Variants in DPP6 observed in about 807,000 individuals in gnomAD.
The protein encoded by DPP6 is A-type potassium channel modulatory protein DPP6.
A neutral mutation model predicts 122.6 loss-of-function variants in DPP6; 69 were observed. The observed-to-expected ratio is 0.56, with a 90% CI of 0.46 to 0.69. The LOEUF (loss-of-function observed/expected upper bound fraction) is 0.69, where lower values mean the gene tolerates loss of function less well. Among genes scored for constraint, DPP6 ranks in the 30% least tolerant of loss-of-function variants. The probability of loss-of-function intolerance (pLI) is 0.00; values close to 1 mark genes in which losing one functional copy is unlikely to be tolerated. For synonymous variants in DPP6, 418 were observed against 433.1 expected (o/e 0.97, Z 0.43); for missense variants, 928 against 1,116.9 (o/e 0.83, Z 2.41).
chr7:153,832,979 C>T, the DPP6 span, among the ~76,000 whole-genome samples: 1,426 of 152,258 alleles, frequency 9.4e-3, 15 homozygotes, highest in African/African-American at 0.03. Flanking sequence ...GAAGGATATA[C>T]TTGCTTATTT....
At chr7:153,894,078 T>C (rs1420768491) in intron 1 of DPP6, among the ~76,000 whole-genome samples, 1 of 152,172 alleles carries the variant, frequency 6.6e-6, no homozygotes, top group Non-Finnish European at 1.5e-5. Context: ...GCCCCGCAAC[T>C]CACACATTGA....
At chr7:153,847,790 G>A in the DPP6 span, among the ~76,000 whole-genome samples, 1 of 152,154 alleles carries the variant, frequency 6.6e-6, no homozygotes, top group Non-Finnish European at 1.5e-5. Flanking sequence ...CTATAGGGCT[G>A]TTTGGTGTTT....
intron 1 of DPP6, among the ~76,000 whole-genome samples, chr7:154,162,474 C>T (rs993935761): frequency 2.6e-4 from 39 of 152,234 alleles, no homozygotes; most frequent in African/African-American, 8.9e-4. Flanking sequence ...TAGACTGCAG[C>T]TACAGATTTC....
intron 1 of DPP6, among the ~76,000 whole-genome samples, chr7:154,286,427 T>C (rs781007190): frequency 6.6e-5 from 10 of 152,200 alleles, no homozygotes; most frequent in Non-Finnish European, 1.5e-4. Context: ...GACCAGAGAA[T>C]GCAGCAACCA....
chr7:154,023,318 G>GCACGCGCGCACACACACACACA (rs373378162), intron 1 of DPP6, among the ~76,000 whole-genome samples: 2 of 129,618 alleles, frequency 1.5e-5, no homozygotes, highest in Admixed American at 7.7e-5. Flanking sequence ...TTTCTTGTCT[G>GCACGCGCGCACACACACACACA]CACACACACA....
chr7:153,941,291 C>T (rs185723694), intron 1 of DPP6, among the ~76,000 whole-genome samples: 71 of 152,298 alleles, frequency 4.7e-4, no homozygotes, highest in East Asian at 1.4e-3. Context: ...CTGTGACCCA[C>T]GAATGCCATG....
chr7:154,163,559 A>T (rs1797085779), intron 1 of DPP6, among the ~76,000 whole-genome samples: 1 of 152,308 alleles, frequency 6.6e-6, no homozygotes, highest in East Asian at 1.9e-4. Context: ...TGCAAGATGT[A>T]TACGCACTGT....
At chr7:154,769,639 A>G (rs1796127294) in intron 9 of DPP6, 68 bp downstream of exon 9, 6 of 1,465,066 alleles carry the variant, frequency 4.1e-6, no homozygotes, top group Non-Finnish European at 5.4e-6. Flanking sequence ...CTGCTCACTC[A>G]GTGTGCAGAC....
At chr7:153,858,045 A>G in the DPP6 span, among the ~76,000 whole-genome samples, 1 of 152,170 alleles carries the variant, frequency 6.6e-6, no homozygotes, top group Non-Finnish European at 1.5e-5. Flanking sequence ...TTTCATTCTA[A>G]TTAGTCATTA....
intron 8 of DPP6, among the ~76,000 whole-genome samples, chr7:154,756,086 C>T (rs746913846): frequency 2.0e-5 from 3 of 152,324 alleles, no homozygotes; most frequent in Admixed American, 1.3e-4. Flanking sequence ...CTGCTCCAAC[C>T]CCCTAGGGAA....
intron 1 of DPP6, among the ~76,000 whole-genome samples, chr7:154,267,983 A>T (rs2150928285): frequency 6.6e-6 from 1 of 151,916 alleles, no homozygotes; most frequent in African/African-American, 2.4e-5. Flanking sequence ...ATGCGCACAT[A>T]CATATTTATG....
the DPP6 span, among the ~76,000 whole-genome samples, chr7:153,757,429 G>C: frequency 6.6e-6 from 1 of 152,200 alleles, no homozygotes; most frequent in Non-Finnish European, 1.5e-5. Context: ...CTTCTTAACT[G>C]TGTGACTTCA....
intron 1 of DPP6, among the ~76,000 whole-genome samples, chr7:154,382,662 T>C (rs1813731443): frequency 6.6e-6 from 1 of 152,250 alleles, no homozygotes; most frequent in South Asian, 2.1e-4. Flanking sequence ...AGCTCACTAG[T>C]TGCCTTCTTC....
chr7:153,761,133 C>T, the DPP6 span, among the ~76,000 whole-genome samples: 2 of 152,152 alleles, frequency 1.3e-5, no homozygotes, highest in Non-Finnish European at 2.9e-5. Context: ...TCCTTCTTCG[C>T]TTTCTTTGAT....
chr7:154,746,536 T>C (rs1240724732), intron 8 of DPP6, among the ~76,000 whole-genome samples: 2 of 152,232 alleles, frequency 1.3e-5, no homozygotes, highest in Non-Finnish European at 2.9e-5. Context: ...CTTAAGCTTC[T>C]AGAAATTTCT....
chr7:154,730,488 T>C lies in DPP6; in HGVS notation c.883+2601T>C, dbSNP rs75990025. Among the ~76,000 whole-genome samples the C allele has an allele frequency of 9.6e-3, 1,455 of 152,330 alleles. 26 individuals are homozygous for C. Among genetic ancestry groups the C allele is most frequent in the South Asian group, 0.065 (315 of 4,832 alleles). ...ACATGACATGGTCAGCAAGGGACAG[T>C]TGCTGCTGTTGTTTCTTATCACAAT... is the stretch of plus-strand genomic sequence containing the variant. On this transcript the variant is annotated intron_variant, in intron 8 of 25. Coordinates refer to ENST00000377770, the MANE Select transcript of DPP6 (RefSeq NM_130797.4).
At chr7:154,498,127 A>G (rs1327594874) in intron 3 of DPP6, among the ~76,000 whole-genome samples, 2 of 152,204 alleles carry the variant, frequency 1.3e-5, no homozygotes, top group East Asian at 1.9e-4. Flanking sequence ...TGGTGCTTAC[A>G]TGAGATTGCC....
rs914354740 is a variant in DPP6 at position 154,604,990 on chromosome 7, C to A, written c.628-32831C>A. On this transcript the variant is annotated intron_variant, in intron 5 of 25. Coordinates refer to ENST00000377770, the MANE Select transcript of DPP6 (RefSeq NM_130797.4). ...AAATGAATATTTCCATATTTTCATG[C>A]CTAAGTGTGTTTTCTGTATGCTTTG... Among the ~76,000 whole-genome samples the A allele has an allele frequency of 2.1e-5, 2 of 97,050 alleles. 1 individual carries two copies. The highest frequency in any genetic ancestry group is 6.0e-5 in the African/African-American group (2 of 33,346). The allele number at this position is 97,050 out of a possible 152,430, so 63.7% of individuals were successfully genotyped here.
chr7:153,951,342 C>T (rs568972043), intron 1 of DPP6, among the ~76,000 whole-genome samples: 1 of 152,296 alleles, frequency 6.6e-6, no homozygotes, highest in East Asian at 1.9e-4. Flanking sequence ...GAATATCTGA[C>T]CTGCTCCTGT....
Sources: gnomAD v4.1 joint callset for allele counts (sites outside exome capture counted in the v4.1 genomes callset) on GRCh38, gnomAD v4.1.1 for gene constraint, MANE v1.5 for transcripts, NCBI Gene and HGNC (gene_info 2026-07-23, HGNC 2026-07-21) for gene names.